The following TNS1 variants were observed in gnomAD, a reference collection of about 807,000 sequenced individuals.
The protein encoded by TNS1 is tensin 1, also known as tensin-1.
TNS1 carries 62 observed loss-of-function variants against 168.6 expected under a neutral mutation model. The observed-to-expected ratio is 0.37, with a 90% CI of 0.30 to 0.45. The LOEUF is 0.45. TNS1 is among the 20% of genes least tolerant of loss of function. The pLI is 1.00. For missense variants in TNS1, 2,240 were observed against 2,339.4 expected (o/e 0.96, Z 0.88); for synonymous variants, 934 against 933.2 (o/e 1.00, Z -0.02).
chr2:217,925,043 T>C (rs894857228), intron 3 of TNS1, among the ~76,000 whole-genome samples: 2 of 152,232 alleles, frequency 1.3e-5, no homozygotes, highest in Admixed American at 6.5e-5. Context: ...ATACGGTTCA[T>C]CTGCTCATAA....
At chr2:217,855,807 A>G (rs1948066532) in intron 18 of TNS1, among the ~76,000 whole-genome samples, 1 of 151,934 alleles carries the variant, frequency 6.6e-6, no homozygotes, top group South Asian at 2.1e-4. Context: ...GTGAAAAATC[A>G]GGGGTTCTAG....
intron 4 of TNS1, among the ~76,000 whole-genome samples, chr2:217,912,109 A>G (rs1286147038): frequency 3.9e-5 from 6 of 152,194 alleles, no homozygotes; most frequent in Non-Finnish European, 8.8e-5. Flanking sequence ...CATGGGCCCA[A>G]GGTGGGGCCA....
intron 3 of TNS1, among the ~76,000 whole-genome samples, chr2:217,929,373 G>A (rs1956195762): frequency 6.6e-6 from 1 of 152,204 alleles, no homozygotes; most frequent in South Asian, 2.1e-4. Flanking sequence ...ATGTGCTGAT[G>A]AGCAGGGGGG....
chr2:217,808,376 G>A (rs547760485), intron 31 of TNS1, among the ~76,000 whole-genome samples: 1 of 152,156 alleles, frequency 6.6e-6, no homozygotes, highest in Non-Finnish European at 1.5e-5. Flanking sequence ...GGGCATGGCA[G>A]AGGGGGTAGC....
At chr2:217,958,970 C>T (rs1447338443) in intron 3 of TNS1, among the ~76,000 whole-genome samples, 1 of 152,196 alleles carries the variant, frequency 6.6e-6, no homozygotes. Context: ...AGGCCCCAGG[C>T]CACTGAGCAA....
At chr2:217,910,135 A>C (rs1954194437) in intron 4 of TNS1, among the ~76,000 whole-genome samples, 1 of 152,066 alleles carries the variant, frequency 6.6e-6, no homozygotes, top group African/African-American at 2.4e-5. Flanking sequence ...AGCTGAAGTC[A>C]ATATTAGAAA....
intron 19 of TNS1, among the ~76,000 whole-genome samples, chr2:217,845,090 T>G (rs1946468329): frequency 1.3e-5 from 2 of 152,214 alleles, no homozygotes; most frequent in Admixed American, 1.3e-4. Context: ...CCTTCTCCTC[T>G]ACAACTTAAG....
At chr2:217,899,044 C>A (rs1011290935) in intron 7 of TNS1, among the ~76,000 whole-genome samples, 1 of 152,180 alleles carries the variant, frequency 6.6e-6, no homozygotes. Context: ...TGGAGGGCAG[C>A]GAAAGGAATA....
chr2:217,851,741 C>T (rs1947528192), intron 18 of TNS1, among the ~76,000 whole-genome samples: 1 of 152,258 alleles, frequency 6.6e-6, no homozygotes, highest in African/African-American at 2.4e-5. Flanking sequence ...ACAGCTGCCT[C>T]TTCCAACCCC....
chr2:218,007,568 G>GA (rs1465766172), upstream of TNS1, among the ~76,000 whole-genome samples: 3 of 76,006 alleles, frequency 3.9e-5, no homozygotes, highest in Admixed American at 1.4e-4. Flanking sequence ...TCGGGGGGTG[G>GA]GGGGGGGGGT....
At chr2:217,952,209 TG>T (rs1957261355) in intron 3 of TNS1, among the ~76,000 whole-genome samples, 1 of 152,238 alleles carries the variant, frequency 6.6e-6, no homozygotes, top group Non-Finnish European at 1.5e-5. Context: ...ACAGCCCCAG[TG>T]CCTGCATTCA....
At chr2:217,883,412 A>C (rs1950865937) in intron 16 of TNS1, among the ~76,000 whole-genome samples, 1 of 152,132 alleles carries the variant, frequency 6.6e-6, no homozygotes, top group African/African-American at 2.4e-5. Flanking sequence ...TAACAGGCAC[A>C]TGCCACCATG....
intron 18 of TNS1, among the ~76,000 whole-genome samples, chr2:217,872,961 T>C (rs1949899364): frequency 6.6e-6 from 1 of 152,178 alleles, no homozygotes. Flanking sequence ...TATCACTCCA[T>C]TTACGTAAAG....
chr2:217,829,308 C>G (rs1223614522), intron 22 of TNS1, among the ~76,000 whole-genome samples: 1 of 152,078 alleles, frequency 6.6e-6, no homozygotes, highest in African/African-American at 2.4e-5. Flanking sequence ...TTGCTTGAAC[C>G]TGGGAGGCAG....
chr2:217,804,187 A>G lies in TNS1; in HGVS notation c.*272T>C, dbSNP rs557107010. 2.6e-6 allele frequency: 1 copy of G among 380,210 alleles called. No individual in the cohort carries two copies. The highest frequency in any genetic ancestry group is 4.7e-5 in the East Asian group (1 of 21,466). The allele number at this position is 380,210 out of a possible 1,614,324, so 23.6% of individuals were successfully genotyped here. On this transcript the variant is annotated 3_prime_UTR_variant, in exon 33 of 33. Transcript: ENST00000682258. ...GAGGGGGTGTTAGGTGGACCTGGTT[A>G]GTTTTGGAGGCTTTGGGTTTTTGCA...
In TNS1 at chr2:217,815,297, C is replaced by T. The variant is rs145165512; in HGVS notation, c.4643-299G>A. 9.9e-4 allele frequency: 319 copies of T among 321,682 alleles called. 4 individuals carry two copies. The highest frequency in any genetic ancestry group is 5.9e-3 in the African/African-American group (288 of 49,098). The allele number at this position is 321,682 out of a possible 1,614,324, so 19.9% of individuals were successfully genotyped here. A position where few individuals can be genotyped will look rare whatever the true frequency, so the allele number is the denominator to read the frequency against. ...TACATGCCAAGGGACACCAAGGATG[C>T]TGGCAGCCACAAGAAACTGGGAGAG... On this transcript the variant is annotated intron_variant, in intron 24 of 32. Coordinates refer to ENST00000682258, the MANE Select transcript of TNS1 (RefSeq NM_001387777.1).
At chr2:217,904,231 A>G (rs898207351) in intron 6 of TNS1, among the ~76,000 whole-genome samples, 22 of 152,260 alleles carry the variant, frequency 1.4e-4, no homozygotes, top group African/African-American at 5.1e-4. Flanking sequence ...GCGACACAGC[A>G]CACTATCCAC....
chr2:217,836,133 T>C lies in TNS1; in HGVS notation c.3086A>G (p.Glu1029Gly). The part of the protein sequence containing the change: ...RRRAASDGQY[E>G]NQSPEATSPR... ...GGATGTGGCTTCTGGAGACTGGTTC[T>C]CATACTGTCCATCACTGGCCGCCCG... Residue 1029 changes from glutamate to glycine, a missense_variant, in exon 20 of 33, where the codon GAG (glutamate) becomes GGG (glycine). Physicochemically the swap from Glu to Gly is moderately conservative, Grantham distance 98. Transcript: ENST00000682258. 5 of 1,614,076 alleles carry C rather than the reference T, an allele frequency of 3.1e-6. No individual in the cohort carries two copies. Among genetic ancestry groups the C allele is most frequent in the Non-Finnish European group, 4.2e-6 (5 of 1,179,974 alleles).
At chr2:218,025,685 T>C (rs1050504303) in intron 1 of TNS1, among the ~76,000 whole-genome samples, 1 of 149,606 alleles carries the variant, frequency 6.7e-6, no homozygotes, top group Non-Finnish European at 1.5e-5. Flanking sequence ...ATTTCTTTCT[T>C]TTTTTTTTTA....
Sources: gnomAD v4.1 joint callset for allele counts (sites outside exome capture counted in the v4.1 genomes callset) on GRCh38, gnomAD v4.1.1 for gene constraint, MANE v1.5 for transcripts, NCBI Gene and HGNC (gene_info 2026-07-23, HGNC 2026-07-21) for gene names.